Variants in SEZ6 observed in about 807,000 individuals in gnomAD.
The protein encoded by SEZ6 is seizure related 6 homolog, also known as seizure protein 6 homolog.
A neutral mutation model predicts 101.0 loss-of-function variants in SEZ6; 53 were observed. The ratio of observed to expected loss-of-function variants is 0.52; its 90% CI spans 0.42 to 0.66. SEZ6 has a LOEUF of 0.66. Ranked by LOEUF, SEZ6 falls within the 30% of genes least tolerant of loss-of-function variation. The pLI, the probability that SEZ6 is intolerant of heterozygous loss-of-function variation, is 0.00. For synonymous variants in SEZ6, 488 were observed against 512.2 expected, an observed-to-expected ratio of 0.95 and a Z score of 0.64; for missense variants, 1,102 against 1,289.4, an observed-to-expected ratio of 0.85 and a Z score of 2.23.
At chr17:28,979,938 T>TCA in intron 2 of SEZ6, 125 bp from the exon 3 acceptor site, 1 of 1,061,592 alleles carries the variant, frequency 9.4e-7, no homozygotes, top group Non-Finnish European at 1.3e-6. Flanking sequence ...GAAGACCACC[T>TCA]CTTGTGATGT....
upstream of SEZ6, chr17:29,006,413 C>CCG (rs2152695188): frequency 6.6e-6 from 1 of 152,530 alleles, no homozygotes; most frequent in Admixed American, 6.5e-5. Context: ...CTGGTGAGGC[C>CCG]CGCGTGCCCT....
At chr17:28,978,169 G>GGCAGGGA (rs765093760) in intron 3 of SEZ6, among the ~76,000 whole-genome samples, 1 of 152,198 alleles carries the variant, frequency 6.6e-6, no homozygotes, top group African/African-American at 2.4e-5. Flanking sequence ...CAGAACAGAA[G>GGCAGGGA]GCAGGGAGCA....
chr17:28,992,364 G>A (rs978724801), intron 1 of SEZ6, among the ~76,000 whole-genome samples: 10 of 151,988 alleles, frequency 6.6e-5, no homozygotes, highest in African/African-American at 2.4e-4. Context: ...GTGCACGTGC[G>A]TGTGTGTGTG....
Position 28,957,545 on chromosome 17 carries a change from G to A in SEZ6, c.2303-6C>T, listed in dbSNP as rs779375672. On this transcript the variant is annotated splice_region_variant and splice_polypyrimidine_tract_variant and intron_variant, in intron 11 of 16. Coordinates refer to ENST00000317338, the MANE Select transcript of SEZ6 (RefSeq NM_178860.5). The stretch of plus-strand genomic sequence containing the variant: ...AGGATCGTGGCAGGAAGTCACTATG[G>A]GTAGGGGGTGATGGGGAGAAGTAGC... The A allele has an allele frequency of 6.2e-7, 1 of 1,607,506 alleles. No individual in the cohort carries two copies.
intron 7 of SEZ6, 97 bp downstream of exon 7, chr17:28,960,408 C>T: frequency 6.8e-7 from 1 of 1,469,760 alleles, no homozygotes; most frequent in Non-Finnish European, 9.2e-7. Context: ...GGAGTGACAG[C>T]ATGGAGGCAG....
At chr17:28,963,244 C>G (rs1381629287) in intron 5 of SEZ6, among the ~76,000 whole-genome samples, 1 of 152,198 alleles carries the variant, frequency 6.6e-6, no homozygotes, top group Non-Finnish European at 1.5e-5. Flanking sequence ...TCACTCAGGA[C>G]CAGACCTGGG....
At chr17:28,994,848 G>A (rs965096999) in intron 1 of SEZ6, among the ~76,000 whole-genome samples, 4 of 151,982 alleles carry the variant, frequency 2.6e-5, no homozygotes, top group Non-Finnish European at 4.4e-5. Context: ...CATGGTGGGG[G>A]ACTGTGCTCT....
chr17:28,987,317 A>T (rs2041398057), intron 1 of SEZ6, among the ~76,000 whole-genome samples: 1 of 152,106 alleles, frequency 6.6e-6, no homozygotes, highest in African/African-American at 2.4e-5. Flanking sequence ...GGCCCCCCAG[A>T]GCCAGAGTCC....
At chr17:28,992,071 G>A (rs933069272) in intron 1 of SEZ6, among the ~76,000 whole-genome samples, 2 of 152,234 alleles carry the variant, frequency 1.3e-5, no homozygotes, top group Admixed American at 6.5e-5. Flanking sequence ...CAGAGCAGCT[G>A]CCTGGCCTCG....
chr17:28,991,731 C>T (rs1020814056), intron 1 of SEZ6, among the ~76,000 whole-genome samples: 1 of 152,160 alleles, frequency 6.6e-6, no homozygotes, highest in African/African-American at 2.4e-5. Context: ...CCCTGGACTT[C>T]TTCGAGTTTT....
rs1161856878 is a variant in SEZ6 at position 29,005,575 on chromosome 17, C to G, written c.55+240G>C. On this transcript the variant is annotated intron_variant, in intron 1 of 16. Transcript: ENST00000317338. This position sits in a 1 kb window ranked among gnomAD's most constrained non-coding sequence, Gnocchi z 4.8. Reference sequence around the variant, plus strand: ...TTGCATCAGAGAAATCCCATTAGATCTGGGGAGATGATTAAAGACGAGGTC... The same window carrying G: ...TTGCATCAGAGAAATCCCATTAGATGTGGGGAGATGATTAAAGACGAGGTC... Among the ~76,000 whole-genome samples the G allele has an allele frequency of 2.0e-5, 3 of 152,042 alleles. No individual in the cohort carries two copies.
chr17:28,981,280 C>T, intron 2 of SEZ6, 91 bp downstream of exon 2: 1 of 1,462,342 alleles, frequency 6.8e-7, no homozygotes, highest in Non-Finnish European at 9.1e-7. Context: ...AAGGGCAGGG[C>T]AGGCTGGCAC....
chr17:28,964,079 G>T lies in SEZ6; in HGVS notation c.1123C>A (p.Pro375Thr). 1 of 1,606,730 alleles carries T rather than the reference G, an allele frequency of 6.2e-7. No homozygotes were observed. Among genetic ancestry groups the T allele is most frequent in the Non-Finnish European group, 8.5e-7 (1 of 1,176,590 alleles). Residue 375 changes from proline (P) to threonine (T), a missense_variant, in exon 5 of 17, where the codon CCA (proline) becomes ACA (threonine). Physicochemically the swap from Pro to Thr is conservative, Grantham distance 38. Transcript: ENST00000317338. ...CAATGGAAGCGGGCACTACCCCCTG[G>T]GTGGAGGCTGGTGACAGTCACATCT... ...YGDVTVTSLHPGGSARFHCAT... is the reference protein window; with the variant it reads ...YGDVTVTSLHTGGSARFHCAT...
intron 1 of SEZ6, among the ~76,000 whole-genome samples, chr17:28,984,615 C>T (rs1359759888): frequency 1.3e-5 from 2 of 152,220 alleles, no homozygotes; most frequent in African/African-American, 2.4e-5. Flanking sequence ...TATCTGGGAT[C>T]GAGATAGCAT....
At chr17:28,963,431 C>G (rs1050684823) in intron 5 of SEZ6, among the ~76,000 whole-genome samples, 6 of 152,198 alleles carry the variant, frequency 3.9e-5, no homozygotes, top group African/African-American at 1.2e-4. Context: ...CTGTATCTTG[C>G]CCTGACACTC....
chr17:28,962,990 G>A (rs1031150948), intron 5 of SEZ6, among the ~76,000 whole-genome samples: 5 of 152,154 alleles, frequency 3.3e-5, no homozygotes, highest in Admixed American at 2.0e-4. Flanking sequence ...TGGGAGTGGT[G>A]GCGGGCGCCT....
intron 1 of SEZ6, among the ~76,000 whole-genome samples, chr17:28,987,137 C>T (rs990886674): frequency 3.3e-5 from 5 of 152,216 alleles, no homozygotes; most frequent in African/African-American, 1.2e-4. Context: ...TAAGCTGGCC[C>T]AGCACGGGGA....
chr17:28,972,294 A>G (rs1295871278), intron 3 of SEZ6, among the ~76,000 whole-genome samples: 1 of 152,228 alleles, frequency 6.6e-6, no homozygotes, highest in Non-Finnish European at 1.5e-5. Flanking sequence ...GTGTGGAAAG[A>G]GTAAATGTGT....
At position 28,966,160 on chromosome 17, in the gene SEZ6, T is replaced by TAAATAAAATA. The variant is rs201235507; in HGVS notation, c.1055-2023_1055-2014dup. On this transcript the variant is annotated intron_variant, in intron 4 of 16. Coordinates refer to ENST00000317338, the MANE Select transcript of SEZ6 (RefSeq NM_178860.5). ...TCCATGTTCCAAAAAATAAAATAAA[T>TAAATAAAATA]AAATAAAATAAAATAAAATAAAATA... Among the ~76,000 whole-genome samples the TAAATAAAATA allele has an allele frequency of 6.4e-5, 9 of 141,422 alleles. No homozygotes were observed. In the East Asian group the frequency reaches 1.7e-3, roughly 27 times the overall value. 92.8% of individuals were successfully genotyped at this position (141,422 alleles called of 152,430 possible).
Sources: gnomAD v4.1 joint callset for allele counts (sites outside exome capture counted in the v4.1 genomes callset) on GRCh38, gnomAD v4.1.1 for gene constraint, Gnocchi (gnomAD v3.1) non-coding constraint, MANE v1.5 for transcripts, NCBI Gene and HGNC (gene_info 2026-07-23, HGNC 2026-07-21) for gene names.